Variants in CDH13 observed in about 807,000 individuals in gnomAD.
CDH13 encodes cadherin 13.
CDH13 carries 24 observed loss-of-function variants against 63.8 expected under a neutral mutation model. That is an observed-to-expected ratio of 0.38 (90% CI 0.27 to 0.53). The LOEUF (loss-of-function observed/expected upper bound fraction) is 0.53, where lower values mean the gene tolerates loss of function less well. Ranked by LOEUF, CDH13 falls within the 20% of genes least tolerant of loss-of-function variation. CDH13 has a pLI of 0.85. For missense variants in CDH13, 1,049 were observed against 903.1 expected (o/e 1.16, Z -2.07); for synonymous variants, 503 against 355.3 (o/e 1.42, Z -4.67).
chr16:83,062,953 G>A (rs1322772264), intron 3 of CDH13, among the ~76,000 whole-genome samples: 1 of 145,182 alleles, frequency 6.9e-6, no homozygotes, highest in Non-Finnish European at 1.5e-5. Flanking sequence ...GTCTTATGTG[G>A]TGGTTGGCAT....
chr16:82,658,492 G>A (rs908975829), intron 1 of CDH13, among the ~76,000 whole-genome samples: 1 of 152,212 alleles, frequency 6.6e-6, no homozygotes, highest in Non-Finnish European at 1.5e-5. Flanking sequence ...TCTCAAGAGA[G>A]AAAGTAGCTC....
chr16:82,762,633 C>G (rs1459963736), intron 1 of CDH13, among the ~76,000 whole-genome samples: 2 of 152,194 alleles, frequency 1.3e-5, no homozygotes, highest in Non-Finnish European at 2.9e-5. Flanking sequence ...TGGGTCACTG[C>G]TTCCATGACT....
intron 5 of CDH13, among the ~76,000 whole-genome samples, chr16:83,256,189 A>G (rs1906237423): frequency 6.6e-6 from 1 of 151,988 alleles, no homozygotes; most frequent in African/African-American, 2.4e-5. Flanking sequence ...GTGTGCCACC[A>G]TGACCAGCTA....
At chr16:83,633,369 G>T (rs534484871) in intron 8 of CDH13, among the ~76,000 whole-genome samples, 11 of 152,326 alleles carry the variant, frequency 7.2e-5, no homozygotes, top group Admixed American at 7.2e-4. Context: ...GCGTGCAGTG[G>T]TTCCGGAGGT....
chr16:82,734,597 G>A (rs1217129907), intron 1 of CDH13, among the ~76,000 whole-genome samples: 1 of 152,182 alleles, frequency 6.6e-6, no homozygotes, highest in African/African-American at 2.4e-5. Flanking sequence ...AAGCAACTCT[G>A]AGATGGAGTT....
At chr16:83,733,891 G>T (rs545553695) in intron 10 of CDH13, among the ~76,000 whole-genome samples, 6 of 152,274 alleles carry the variant, frequency 3.9e-5, no homozygotes, top group Admixed American at 3.3e-4. Context: ...TGCAAGCAGC[G>T]CAGCCTGAGA....
intron 4 of CDH13, among the ~76,000 whole-genome samples, chr16:83,144,884 C>T (rs1339443732): frequency 6.6e-6 from 1 of 152,228 alleles, no homozygotes; most frequent in Admixed American, 6.5e-5. Flanking sequence ...GCTACAGAGC[C>T]TCCTTTCCCT....
At chr16:82,789,972 C>T (rs2036214665) in intron 1 of CDH13, among the ~76,000 whole-genome samples, 1 of 152,290 alleles carries the variant, frequency 6.6e-6, no homozygotes, top group East Asian at 1.9e-4. Context: ...GCCCCCATCT[C>T]TGTCTATTGG....
chr16:82,926,693 T>C (rs1262793406), intron 2 of CDH13, among the ~76,000 whole-genome samples: 3 of 152,252 alleles, frequency 2.0e-5, no homozygotes, highest in Non-Finnish European at 4.4e-5. Flanking sequence ...CTAGCTCTGC[T>C]GTATATCTGT....
intron 1 of CDH13, among the ~76,000 whole-genome samples, chr16:82,802,641 C>T (rs559201460): frequency 8.5e-5 from 13 of 152,194 alleles, no homozygotes; most frequent in South Asian, 2.1e-4. Context: ...TGTCTCCAAC[C>T]GCATCTTATA....
chr16:83,748,038 C>G (rs1196293119), intron 10 of CDH13, 70 bp from the exon 11 acceptor site: 1 of 1,546,014 alleles, frequency 6.5e-7, no homozygotes, highest in East Asian at 2.2e-5. Context: ...GAGCTCATGC[C>G]CTGCACTCTG....
intron 2 of CDH13, among the ~76,000 whole-genome samples, chr16:82,988,101 T>C (rs1911182107): frequency 6.6e-6 from 1 of 152,182 alleles, no homozygotes; most frequent in Non-Finnish European, 1.5e-5. Flanking sequence ...TCCTCAATCA[T>C]TGAAGACTGA....
In CDH13 at chr16:83,474,963, C is replaced by G. The variant is rs569108030; in HGVS notation, c.782-11514C>G. On this transcript the variant is annotated intron_variant, in intron 6 of 13. Transcript: ENST00000567109. ...AGGAAGGCATGTGCATTGTTGCCTG[C>G]GCAGCTGAGTATAGGCACTGAGGCC... Among the ~76,000 whole-genome samples the G allele has an allele frequency of 2.0e-5, 3 of 152,342 alleles. No homozygotes were observed. In the South Asian group the frequency reaches 6.2e-4, roughly 32 times the overall value.
At chr16:83,646,960 G>A (rs905115854) in intron 8 of CDH13, among the ~76,000 whole-genome samples, 2 of 151,916 alleles carry the variant, frequency 1.3e-5, no homozygotes, top group African/African-American at 4.8e-5. Context: ...TCCTTTCCTG[G>A]AGGTCTACAC....
Position 82,644,868 on chromosome 16 carries a change from T to C in CDH13, c.45+17731T>C, listed in dbSNP as rs1016329402. ...TTTTGCAAAATGTGTTCTGAAGAGA[T>C]ACTGGTTCCATGGGAGGTTAATATG... On this transcript the variant is annotated intron_variant, in intron 1 of 13. Coordinates refer to ENST00000567109, the MANE Select transcript of CDH13 (RefSeq NM_001257.5). The surrounding 1 kb of genome is among the most constrained non-coding windows in gnomAD (Gnocchi z 5.7). 6.6e-6 allele frequency among the ~76,000 whole-genome samples: 1 copy of C among 152,214 alleles called. No homozygotes were observed. The highest frequency in any genetic ancestry group is 2.4e-5 in the African/African-American group (1 of 41,450).
chr16:83,521,671 A>T (rs1015214179), intron 7 of CDH13, among the ~76,000 whole-genome samples: 2 of 152,214 alleles, frequency 1.3e-5, no homozygotes, highest in African/African-American at 4.8e-5. Flanking sequence ...ATATGTAGAC[A>T]CCAGCCACCC....
intron 1 of CDH13, among the ~76,000 whole-genome samples, chr16:82,751,788 G>A (rs1343168871): frequency 6.6e-6 from 1 of 151,840 alleles, no homozygotes; most frequent in Non-Finnish European, 1.5e-5. Flanking sequence ...AAATTATGTT[G>A]CAGGCTCTGG....
Position 82,675,695 on chromosome 16 carries a change from C to A in CDH13, c.45+48558C>A, listed in dbSNP as rs118045888. 5.1e-3 allele frequency among the ~76,000 whole-genome samples: 783 copies of A among 152,272 alleles called. 5 individuals are homozygous for A. Among genetic ancestry groups the A allele is most frequent in the Non-Finnish European group, 8.8e-3 (601 of 68,012 alleles). ...GCTTTTGGCAAGCAAAGCAAAAGAA[C>A]CTTCTGGGTTCCCTTCCTGCCTTTC... On this transcript the variant is annotated intron_variant, in intron 1 of 13. Transcript: ENST00000567109.
At chr16:83,323,481 A>G (rs2090286726) in intron 5 of CDH13, among the ~76,000 whole-genome samples, 1 of 134,878 alleles carries the variant, frequency 7.4e-6, no homozygotes, top group South Asian at 2.7e-4. Context: ...CGGTTTCACC[A>G]TGTTTGCCAG....
Sources: gnomAD v4.1 joint callset for allele counts (sites outside exome capture counted in the v4.1 genomes callset) on GRCh38, gnomAD v4.1.1 for gene constraint, Gnocchi (gnomAD v3.1) non-coding constraint, MANE v1.5 for transcripts, NCBI Gene and HGNC (gene_info 2026-07-23, HGNC 2026-07-21) for gene names.